The following NEK1 variants were observed in gnomAD, a reference collection of about 807,000 sequenced individuals.
NEK1 encodes NIMA related kinase 1.
A neutral mutation model predicts 182.1 loss-of-function variants in NEK1; 137 were observed. The observed-to-expected ratio is 0.75, with a 90% CI of 0.65 to 0.87. The LOEUF (loss-of-function observed/expected upper bound fraction) is 0.87. Ranked by LOEUF, NEK1 falls within the 40% of genes least tolerant of loss-of-function variation. NEK1 has a pLI of 0.00. For missense variants in NEK1, 1,391 were observed against 1,494.4 expected, an observed-to-expected ratio of 0.93 and a Z score of 1.14; for synonymous variants, 513 against 492.2, an observed-to-expected ratio of 1.04 and a Z score of -0.56.
chr4:169,532,290 C>T (rs2149793807), intron 19 of NEK1, among the ~76,000 whole-genome samples: 1 of 152,184 alleles, frequency 6.6e-6, no homozygotes, highest in East Asian at 1.9e-4. Flanking sequence ...GTATGGTAGC[C>T]TGGGTTACTA....
chr4:169,577,006 T>C lies in NEK1; in HGVS notation c.942A>G (p.Lys314=). 1 of 1,613,578 alleles carries C rather than the reference T, an allele frequency of 6.2e-7. No homozygotes were observed. The highest frequency in any genetic ancestry group is 8.5e-7 in the Non-Finnish European group (1 of 1,179,668). ...PAQKITKPAA[K]YGIPLAYKKY... ...TCTTATATGCTAAAGGTATTCCATA[T>C]TTAGCGGCAGGCTTTGTAATTTTCT... The change falls in exon 12 of 36, where the codon AAA becomes AAG. Residue 314 remains lysine, a synonymous_variant. Coordinates refer to ENST00000507142, the MANE Select transcript of NEK1 (RefSeq NM_001199397.3).
chr4:169,511,284 G>T (rs1754136532), intron 19 of NEK1, among the ~76,000 whole-genome samples: 1 of 152,028 alleles, frequency 6.6e-6, no homozygotes, highest in Non-Finnish European at 1.5e-5. Context: ...GAGCTTTTGA[G>T]ATATATATAG....
chr4:169,505,672 A>T (rs547961233), intron 23 of NEK1, among the ~76,000 whole-genome samples: 28 of 152,338 alleles, frequency 1.8e-4, no homozygotes, highest in African/African-American at 6.3e-4. Flanking sequence ...GGCATAAAAC[A>T]AGCAATAAAC....
At chr4:169,507,240 A>G (rs1370557266) in intron 22 of NEK1, 108 bp from the exon 23 acceptor site, 6 of 686,828 alleles carry the variant, frequency 8.7e-6, no homozygotes, top group Non-Finnish European at 1.4e-5. Flanking sequence ...TAGCCAAAAA[A>G]GAAGTGTGCA....
chr4:169,469,369 A>G (rs1173089530), intron 26 of NEK1, among the ~76,000 whole-genome samples: 1 of 151,906 alleles, frequency 6.6e-6, no homozygotes, highest in Non-Finnish European at 1.5e-5. Context: ...CCTTAATTTC[A>G]TTATTTACCC....
intron 19 of NEK1, among the ~76,000 whole-genome samples, chr4:169,509,424 C>T (rs796075358): frequency 7.9e-4 from 120 of 152,212 alleles, no homozygotes; most frequent in African/African-American, 2.7e-3. Context: ...CTTCAGCATA[C>T]GAGCATGCTT....
intron 24 of NEK1, 97 bp from the exon 25 acceptor site, chr4:169,477,594 AT>A (rs1209053029): frequency 2.2e-6 from 2 of 891,524 alleles, no homozygotes; most frequent in Non-Finnish European, 3.4e-6. Flanking sequence ...GTTTTCATTA[AT>A]TTGTTCCTTG....
At chr4:169,408,862 C>G (rs944345159) in intron 31 of NEK1, among the ~76,000 whole-genome samples, 2 of 152,148 alleles carry the variant, frequency 1.3e-5, no homozygotes, top group African/African-American at 4.8e-5. Flanking sequence ...TTTCTTTATT[C>G]ACTCGTTGGT....
At chr4:169,470,009 GC>G (rs1331703116) in intron 26 of NEK1, among the ~76,000 whole-genome samples, 1 of 147,328 alleles carries the variant, frequency 6.8e-6, no homozygotes, top group Non-Finnish European at 1.5e-5. Flanking sequence ...TTTATTTTGA[GC>G]CTATGTGTGT....
intron 27 of NEK1, among the ~76,000 whole-genome samples, chr4:169,456,776 C>T (rs116167496): frequency 0.012 from 1,817 of 152,282 alleles, 33 homozygotes; most frequent in African/African-American, 0.041. Context: ...TATTGCAGCA[C>T]TATTTACAAC....
At chr4:169,426,549 C>G (rs1362674478) in intron 29 of NEK1, among the ~76,000 whole-genome samples, 1 of 152,208 alleles carries the variant, frequency 6.6e-6, no homozygotes, top group Non-Finnish European at 1.5e-5. Flanking sequence ...CAGCCTCACC[C>G]TTGACCTGTG....
chr4:169,600,127 G>A (rs1341728181), intron 4 of NEK1, among the ~76,000 whole-genome samples: 1 of 152,046 alleles, frequency 6.6e-6, no homozygotes, highest in Non-Finnish European at 1.5e-5. Flanking sequence ...ATAGTACTGA[G>A]ACTATCACAA....
Position 169,462,114 on chromosome 4 carries a change from G to C in NEK1, c.2587+1129C>G, listed in dbSNP as rs139391759. Reference sequence around the variant, plus strand: ...ATTTTAAAAGTAATAGTGTTAATGAGCATCAGCATATTATAGAGCTTTTAG... The same window carrying C: ...ATTTTAAAAGTAATAGTGTTAATGACCATCAGCATATTATAGAGCTTTTAG... On this transcript the variant is annotated intron_variant, in intron 27 of 35. Transcript: ENST00000507142. Among the ~76,000 whole-genome samples, 1,295 of 152,096 alleles carry C rather than the reference G, an allele frequency of 8.5e-3. 14 individuals carry two copies. The highest frequency in any genetic ancestry group is 0.029 in the African/African-American group (1,220 of 41,506).
Position 169,433,738 on chromosome 4 carries a change from T to C in NEK1, c.2765-73A>G, listed in dbSNP as rs896329564. ...AAGAGAATATTGAATAAACTTGCTA[T>C]AAATTATTGCTACCTAGTTTTAGGG... is the stretch of plus-strand genomic sequence containing the variant. On this transcript the variant is annotated intron_variant, in intron 28 of 35. Transcript: ENST00000507142. 4.2e-6 allele frequency: 6 copies of C among 1,442,060 alleles called. No homozygotes were observed. In the African/African-American group the frequency reaches 8.4e-5, roughly 20 times the overall value. The allele number at this position is 1,442,060 out of a possible 1,614,324, so 89.3% of individuals were successfully genotyped here.
At chr4:169,469,549 A>T (rs1745542658) in intron 26 of NEK1, among the ~76,000 whole-genome samples, 1 of 152,168 alleles carries the variant, frequency 6.6e-6, no homozygotes, top group African/African-American at 2.4e-5. Context: ...TTATGTGGTC[A>T]ATTTTAGAAT....
At chr4:169,529,153 C>G (rs1342045728) in intron 19 of NEK1, among the ~76,000 whole-genome samples, 1 of 152,038 alleles carries the variant, frequency 6.6e-6, no homozygotes. Flanking sequence ...AATGCAATAC[C>G]ACTATCAGAA....
At chr4:169,401,391 T>A (rs532642659) in intron 33 of NEK1, among the ~76,000 whole-genome samples, 90 of 151,922 alleles carry the variant, frequency 5.9e-4, no homozygotes, top group African/African-American at 2.1e-3. Flanking sequence ...ACTGGAAAAA[T>A]CAGTCAATAA....
chr4:169,514,283 C>T (rs1475468077), intron 19 of NEK1, among the ~76,000 whole-genome samples: 3 of 152,044 alleles, frequency 2.0e-5, no homozygotes, highest in South Asian at 2.1e-4. Context: ...CCACCGCACC[C>T]GGCAAGGATT....
In NEK1 at chr4:169,508,831, C is replaced by A; in HGVS notation, c.1687G>T (p.Ala563Ser). ...GHMGILQNLAAMYGGRPSSSR... is the reference protein window; with the variant it reads ...GHMGILQNLASMYGGRPSSSR... Reference sequence around the variant, plus strand: ...GAGCTGGGCCTGCCTCCATACATAGCTGCCAGGTTTTGCAGGATTCCCTGT... The same window carrying A: ...GAGCTGGGCCTGCCTCCATACATAGATGCCAGGTTTTGCAGGATTCCCTGT... Residue 563 changes from alanine to serine, a missense_variant, in exon 20 of 36, where the codon GCT becomes TCT. Coordinates refer to ENST00000507142, the MANE Select transcript of NEK1 (RefSeq NM_001199397.3). 2 of 1,591,840 alleles carry A rather than the reference C, an allele frequency of 1.3e-6. No homozygotes were observed. The highest frequency in any genetic ancestry group is 1.1e-5 in the South Asian group (1 of 89,242).
Sources: allele counts gnomAD v4.1 joint callset (sites outside exome capture counted in the v4.1 genomes callset), GRCh38; gene constraint gnomAD v4.1.1; transcripts MANE v1.5; gene names NCBI Gene and HGNC (gene_info 2026-07-23, HGNC 2026-07-21).